The following TULP4 variants were observed in gnomAD, a reference collection of about 807,000 sequenced individuals.
TULP4 encodes tubby-related protein 4.
In TULP4, 16 loss-of-function variants were observed where a neutral mutation model predicts 129.0. The observed-to-expected ratio is 0.12, with a 90% CI of 0.08 to 0.19. The LOEUF is 0.19. Ranked by LOEUF, TULP4 falls within the 10% of genes least tolerant of loss-of-function variation. The pLI is 1.00. For missense variants in TULP4, 1,842 were observed against 2,059.1 expected (o/e 0.89, Z 2.04); for synonymous variants, 998 against 854.0 (o/e 1.17, Z -2.94).
At chr6:158,471,415 C>A (rs745543840) in intron 6 of TULP4, among the ~76,000 whole-genome samples, 5 of 152,112 alleles carry the variant, frequency 3.3e-5, no homozygotes, top group Non-Finnish European at 5.9e-5. Flanking sequence ...TCGAAGGAAT[C>A]TAGGAAACTG....
chr6:158,385,260 T>A (rs1366586740), intron 1 of TULP4, among the ~76,000 whole-genome samples: 1 of 152,174 alleles, frequency 6.6e-6, no homozygotes, highest in Non-Finnish European at 1.5e-5. Flanking sequence ...TTATTACAAG[T>A]AAAACATTCA....
intron 1 of TULP4, among the ~76,000 whole-genome samples, chr6:158,264,473 A>C (rs1765656270): frequency 6.6e-6 from 1 of 152,150 alleles, no homozygotes; most frequent in Non-Finnish European, 1.5e-5. Flanking sequence ...ATTAAAACTC[A>C]AGCCATTTTC....
At chr6:158,444,688 G>C (rs1250543462) in intron 3 of TULP4, among the ~76,000 whole-genome samples, 2 of 152,050 alleles carry the variant, frequency 1.3e-5, no homozygotes, top group Admixed American at 1.3e-4. Context: ...CTTTGGTTGT[G>C]GCTTGGTTTA....
intron 1 of TULP4, among the ~76,000 whole-genome samples, chr6:158,395,387 C>G (rs540559129): frequency 6.6e-6 from 1 of 151,756 alleles, no homozygotes; most frequent in Admixed American, 6.6e-5. Context: ...TTGAGACCAG[C>G]CTGACCAGCA....
rs766565851 is a variant in TULP4, at chr6:158,448,979, C to T, written c.544-17C>T. ...CCTTGCTGCCACTTGGTCAGAGGTCCCCATCCTGGATTGCAGGTGCTGTTT... is the reference window on the plus strand; with the variant it reads ...CCTTGCTGCCACTTGGTCAGAGGTCTCCATCCTGGATTGCAGGTGCTGTTT... On this transcript the variant is annotated splice_polypyrimidine_tract_variant and intron_variant, in intron 3 of 13. Transcript: ENST00000367097. 15 of 1,592,486 alleles carry T rather than the reference C, an allele frequency of 9.4e-6. No homozygotes were observed. The highest frequency in any genetic ancestry group is 1.1e-5 in the South Asian group (1 of 88,368).
intron 4 of TULP4, among the ~76,000 whole-genome samples, chr6:158,451,402 C>T (rs1023218371): frequency 6.6e-6 from 1 of 152,204 alleles, no homozygotes; most frequent in Non-Finnish European, 1.5e-5. Context: ...AAGATGAGCC[C>T]AGTGTGGCTG....
intron 2 of TULP4, among the ~76,000 whole-genome samples, chr6:158,416,893 A>G (rs1215575353): frequency 6.6e-6 from 1 of 152,230 alleles, no homozygotes; most frequent in Non-Finnish European, 1.5e-5. Flanking sequence ...AGATACATGA[A>G]TACTTGCCAT....
intron 8 of TULP4, among the ~76,000 whole-genome samples, chr6:158,483,532 T>C (rs1352694962): frequency 6.6e-6 from 1 of 152,162 alleles, no homozygotes; most frequent in Non-Finnish European, 1.5e-5. Flanking sequence ...TTTTACCATG[T>C]TGCCCAGGCT....
At chr6:158,353,580 C>G (rs140142203) in intron 1 of TULP4, among the ~76,000 whole-genome samples, 1 of 152,244 alleles carries the variant, frequency 6.6e-6, no homozygotes, top group East Asian at 1.9e-4. Flanking sequence ...TTTTTCTGCA[C>G]TACCTGAAAA....
rs1383543690 is a variant in TULP4, at chr6:158,506,895, GTTC to G, written c.*207_*209del. The G allele has an allele frequency of 1.8e-5, 10 of 566,140 alleles. No homozygotes were observed. Among genetic ancestry groups the G allele is most frequent in the African/African-American group, 1.1e-4 (6 of 52,916 alleles). 35.1% of individuals were successfully genotyped at this position (566,140 alleles called of 1,614,324 possible). A position where few individuals can be genotyped will look rare whatever the true frequency, so the allele number is the denominator to read the frequency against. On this transcript the variant is annotated 3_prime_UTR_variant, in exon 14 of 14. Coordinates refer to ENST00000367097, the MANE Select transcript of TULP4 (RefSeq NM_020245.5). ...TGGGTTTTATTACCTTTTATTGTCT[GTTC>G]TTCTTTTCTTCTTTCATTTCAGTGG... is the stretch of plus-strand genomic sequence containing the variant.
At chr6:158,459,658 A>AAAAT (rs558093341) in intron 5 of TULP4, among the ~76,000 whole-genome samples, 44 of 152,362 alleles carry the variant, frequency 2.9e-4, no homozygotes, top group Non-Finnish European at 4.6e-4. Context: ...TATTATTTTA[A>AAAAT]AAATAAATAC....
chr6:158,459,687 G>A (rs1562575447), intron 5 of TULP4, among the ~76,000 whole-genome samples: 2 of 152,176 alleles, frequency 1.3e-5, no homozygotes, highest in Non-Finnish European at 2.9e-5. Context: ...TGCAGTTCAG[G>A]TGAGGAGCTG....
intron 1 of TULP4, among the ~76,000 whole-genome samples, chr6:158,409,764 TACTC>T (rs1415250869): frequency 6.6e-6 from 1 of 152,256 alleles, no homozygotes. Context: ...TTAAGGGTGT[TACTC>T]ACCTTTTCGT....
At chr6:158,286,834 T>C (rs142364751) in intron 1 of TULP4, among the ~76,000 whole-genome samples, 139 of 152,342 alleles carry the variant, frequency 9.1e-4, no homozygotes, top group African/African-American at 3.1e-3. Flanking sequence ...TGGAAAATTT[T>C]CTAAAATATG....
upstream of TULP4, chr6:158,312,024 T>A (rs1779365518): frequency 2.9e-6 from 1 of 344,110 alleles, no homozygotes; most frequent in African/African-American, 2.9e-5. Context: ...GTTTTTAAAT[T>A]TTATATCTTT....
At chr6:158,461,421 A>AAAAG in intron 5 of TULP4, 142 bp from the exon 6 acceptor site, 1 of 877,698 alleles carries the variant, frequency 1.1e-6, no homozygotes, top group Non-Finnish European at 1.6e-6. Flanking sequence ...CAAAAAAAAA[A>AAAAG]AAAAAGGAAA....
chr6:158,438,685 A>G (rs1340511236), intron 3 of TULP4, among the ~76,000 whole-genome samples: 2 of 152,012 alleles, frequency 1.3e-5, no homozygotes, highest in Non-Finnish European at 2.9e-5. Flanking sequence ...CCTGGGTTCA[A>G]GTGATTCTCC....
In TULP4 at chr6:158,289,752, T is replaced by C. The variant is rs150160696; in HGVS notation, n.116+7374T>C. Among the ~76,000 whole-genome samples, 517 of 151,878 alleles carry C rather than the reference T, an allele frequency of 3.4e-3. 5 individuals carry two copies. Among genetic ancestry groups the C allele is most frequent in the African/African-American group, 0.012 (480 of 41,404 alleles). ...TGTGCCACCATGCCTGGCTGATTTT[T>C]TAATTTTTTGTAGAGACGGGGTCTC... is the stretch of plus-strand genomic sequence containing the variant. On this transcript the variant is annotated intron_variant and non_coding_transcript_variant, in intron 1 of 1. Transcript: ENST00000432358.
chr6:158,413,840 G>A lies in TULP4; in HGVS notation c.381+647G>A, dbSNP rs1021272232. Among the ~76,000 whole-genome samples, 1 of 152,236 alleles carries A rather than the reference G, an allele frequency of 6.6e-6. No homozygotes were observed. Among genetic ancestry groups the A allele is most frequent in the East Asian group, 1.9e-4 (1 of 5,188 alleles). ...GGTTTAAGGACACACATTGGAGCAG[G>A]CAGCTCCCATCCTGGGGATTGTACA... is the stretch of plus-strand genomic sequence containing the variant. On this transcript the variant is annotated intron_variant, in intron 2 of 13. Coordinates refer to ENST00000367097, the MANE Select transcript of TULP4 (RefSeq NM_020245.5). The surrounding 1 kb of genome is among the most constrained non-coding windows in gnomAD (Gnocchi z 4.9).
Sources: allele counts gnomAD v4.1 joint callset (sites outside exome capture counted in the v4.1 genomes callset), GRCh38; gene constraint gnomAD v4.1.1; non-coding constraint Gnocchi (gnomAD v3.1); transcripts MANE v1.5; gene names NCBI Gene and HGNC (gene_info 2026-07-23, HGNC 2026-07-21).